Variants in POLR3GL observed in about 807,000 individuals in gnomAD.
POLR3GL encodes the protein DNA-directed RNA polymerase III subunit RPC7-like.
In POLR3GL, 26 loss-of-function variants were observed where a neutral mutation model predicts 32.4. The observed-to-expected ratio is 0.80, with a 90% CI of 0.59 to 1.11. The LOEUF is 1.11. Ranked by LOEUF, POLR3GL falls within the 50% of genes most tolerant of loss-of-function variation. The pLI is 0.00. For synonymous variants in POLR3GL, 95 were observed against 98.7 expected (o/e 0.96, Z 0.22); for missense variants, 229 against 280.1 (o/e 0.82, Z 1.30).
At chr1:145,975,190 C>T (rs1014062142) in intron 2 of POLR3GL, 117 bp from the exon 3 acceptor site, 34 of 1,395,520 alleles carry the variant, frequency 2.4e-5, no homozygotes, top group Admixed American at 1.6e-4. Flanking sequence ...GTTACTCCCT[C>T]GATTGTCATT....
intron 1 of POLR3GL, among the ~76,000 whole-genome samples, chr1:145,972,946 G>A (rs1431721095): frequency 2.0e-5 from 3 of 152,006 alleles, no homozygotes; most frequent in Admixed American, 1.3e-4. Context: ...TGATCTGCCC[G>A]CTCCAGCCTC....
At chr1:145,967,770 A>G (rs1158808444) in intron 1 of POLR3GL, among the ~76,000 whole-genome samples, 7 of 152,212 alleles carry the variant, frequency 4.6e-5, no homozygotes, top group African/African-American at 1.7e-4. Flanking sequence ...CCGTGGGTGC[A>G]GCATGTTTTT....
chr1:145,975,020 C>A lies in POLR3GL; in HGVS notation c.126+29C>A, dbSNP rs372977381. 7.6e-5 allele frequency: 114 copies of A among 1,505,178 alleles called. No homozygotes were observed. In the East Asian group the frequency reaches 2.7e-3, roughly 35 times the overall value. 93.2% of individuals were successfully genotyped at this position (1,505,178 alleles called of 1,614,324 possible). Reference sequence around the variant, plus strand: ...AGTCTCTCCACTCCCTTCCCAGACTCTCATGTGCCCCTGGCTGACTGTACA... The same window carrying A: ...AGTCTCTCCACTCCCTTCCCAGACTATCATGTGCCCCTGGCTGACTGTACA... On this transcript the variant is annotated intron_variant, in intron 2 of 7. Coordinates refer to ENST00000369314, the MANE Select transcript of POLR3GL (RefSeq NM_032305.3).
chr1:145,977,220 C>A, intron 4 of POLR3GL, 68 bp downstream of exon 4: 2 of 1,359,742 alleles, frequency 1.5e-6, no homozygotes, highest in Non-Finnish European at 1.1e-6. Context: ...GCTATTCCCA[C>A]CACGCCCATG....
intron 6 of POLR3GL, 51 bp from the exon 7 acceptor site, chr1:145,977,932 C>T (rs190158202): frequency 6.2e-7 from 1 of 1,613,770 alleles, no homozygotes; most frequent in Non-Finnish European, 8.5e-7. Context: ...CTCAATTTTT[C>T]CCTTCTGTGA....
intron 3 of POLR3GL, 93 bp downstream of exon 3, chr1:145,975,529 A>T: frequency 7.1e-7 from 1 of 1,416,520 alleles, no homozygotes; most frequent in Admixed American, 1.8e-5. Context: ...CACAGGAAGC[A>T]TACTATCTAA....
chr1:145,968,819 C>T (rs1650152483), intron 1 of POLR3GL, among the ~76,000 whole-genome samples: 2 of 152,220 alleles, frequency 1.3e-5, no homozygotes, highest in South Asian at 4.2e-4. Context: ...GATCCGCCCA[C>T]CTCAGCCTCC....
rs587689784 is a variant in POLR3GL, at chr1:145,976,223, G to A, written c.256+787G>A. 3.9e-3 allele frequency among the ~76,000 whole-genome samples: 594 copies of A among 152,064 alleles called. 2 individuals carry two copies. Among genetic ancestry groups the A allele is most frequent in the Admixed American group, 7.8e-3 (119 of 15,274 alleles). Reference sequence around the variant, plus strand: ...AATCGCTTGAACCTGGGAGGTGGAGGTTGCAGTGAGCTGAGATCTTGCCAC... The same window carrying A: ...AATCGCTTGAACCTGGGAGGTGGAGATTGCAGTGAGCTGAGATCTTGCCAC... On this transcript the variant is annotated intron_variant, in intron 3 of 7. Coordinates refer to ENST00000369314, the MANE Select transcript of POLR3GL (RefSeq NM_032305.3).
intron 1 of POLR3GL, among the ~76,000 whole-genome samples, chr1:145,973,321 T>G (rs1650408378): frequency 6.6e-6 from 1 of 152,020 alleles, no homozygotes; most frequent in Admixed American, 6.6e-5. Flanking sequence ...AGGAGAAACT[T>G]TAGATTCATC....
In POLR3GL at chr1:145,978,654, G is replaced by T. The variant is rs1317448712; in HGVS notation, c.*207G>T. On this transcript the variant is annotated 3_prime_UTR_variant, in exon 8 of 8. Coordinates refer to ENST00000369314, the MANE Select transcript of POLR3GL (RefSeq NM_032305.3). ...TCACCTTTGCTATCTTGGGGAAAGT[G>T]CAAAGGACAAACATCTCAATTGTAT... 1.7e-6 allele frequency: 1 copy of T among 571,502 alleles called. No homozygotes were observed. Among genetic ancestry groups the T allele is most frequent in the East Asian group, 2.9e-5 (1 of 34,544 alleles). 35.4% of individuals were successfully genotyped at this position (571,502 alleles called of 1,614,324 possible).
intron 1 of POLR3GL, among the ~76,000 whole-genome samples, chr1:145,970,696 A>AC (rs1249018372): frequency 1.3e-5 from 2 of 150,150 alleles, no homozygotes; most frequent in East Asian, 2.0e-4. Context: ...AGATGGTGAA[A>AC]CCCCGTCTCT....
At chr1:145,974,229 T>A (rs1278806895) in intron 1 of POLR3GL, among the ~76,000 whole-genome samples, 2 of 152,246 alleles carry the variant, frequency 1.3e-5, no homozygotes, top group Non-Finnish European at 2.9e-5. Flanking sequence ...CCACAGTGCC[T>A]GACACACTAT....
chr1:145,969,133 C>G (rs1288860298), intron 1 of POLR3GL, among the ~76,000 whole-genome samples: 1 of 152,162 alleles, frequency 6.6e-6, no homozygotes, highest in East Asian at 1.9e-4. Flanking sequence ...CGGTCTCACT[C>G]TGTTGCCCAG....
rs1650673329 is a variant in POLR3GL at position 145,978,586 on chromosome 1, A to G, written c.*139A>G. ...TCCCTGGAGATGGGAATAGAGGATG[A>G]TGACAGTTTATTTTCTACACTTCCC... is the stretch of plus-strand genomic sequence containing the variant. On this transcript the variant is annotated 3_prime_UTR_variant, in exon 8 of 8. Transcript: ENST00000369314. The G allele has an allele frequency of 1.5e-6, 1 of 672,388 alleles. No homozygotes were observed. Among genetic ancestry groups the G allele is most frequent in the Admixed American group, 2.5e-5 (1 of 40,336 alleles). 41.7% of individuals were successfully genotyped at this position (672,388 alleles called of 1,614,324 possible). A position where few individuals can be genotyped will look rare whatever the true frequency, so the allele number is the denominator to read the frequency against.
chr1:145,975,485 GC>G (rs1650510322), intron 3 of POLR3GL, 49 bp downstream of exon 3: 56 of 1,597,068 alleles, frequency 3.5e-5, no homozygotes, highest in Non-Finnish European at 4.5e-5. Flanking sequence ...CATGGGGAGT[GC>G]CCTGTGCTCA....
In POLR3GL at chr1:145,977,981, A is replaced by G. The variant is rs782795213; in HGVS notation, c.457-2A>G. ...TTCTATTCCTATTCATCCCCACATGAGACCCTGGAGAAGAAGGAAGAAGAA... is the reference window on the plus strand; with the variant it reads ...TTCTATTCCTATTCATCCCCACATGGGACCCTGGAGAAGAAGGAAGAAGAA... On this transcript the variant is annotated splice_acceptor_variant, in intron 6 of 7. Transcript: ENST00000369314. LOFTEE classifies it high-confidence loss of function. 2 of 1,613,948 alleles carry G rather than the reference A, an allele frequency of 1.2e-6. No homozygotes were observed. Among genetic ancestry groups the G allele is most frequent in the Non-Finnish European group, 1.7e-6 (2 of 1,179,868 alleles).
rs189189449 is a variant in POLR3GL, at chr1:145,978,439, A to G, written c.649A>G (p.Ile217Val). The change falls in exon 8 of 8, where the codon ATA becomes GTA. Residue 217 changes from isoleucine to valine, a missense_variant. Physicochemically the swap from Ile to Val is conservative, Grantham distance 29. Coordinates refer to ENST00000369314, the MANE Select transcript of POLR3GL (RefSeq NM_032305.3). ...GDSDDNMDEA[I>V]Y Reference sequence around the variant, plus strand: ...CAGTGATGACAATATGGACGAGGCTATATACTGAAGAAGGACTCTGGACCC... The same window carrying G: ...CAGTGATGACAATATGGACGAGGCTGTATACTGAAGAAGGACTCTGGACCC... 11 of 1,600,540 alleles carry G rather than the reference A, an allele frequency of 6.9e-6. No homozygotes were observed. In the Admixed American group the frequency reaches 1.8e-4, roughly 27 times the overall value.
At chr1:145,975,972 G>GA (rs5777568) in intron 3 of POLR3GL, among the ~76,000 whole-genome samples, 52,897 of 147,476 alleles carry the variant, frequency 0.36, 11,333 homozygotes, top group Non-Finnish European at 0.48. Context: ...CTAAGGGACA[G>GA]AAAAAAAAAA....
At position 145,978,714 on chromosome 1, in the gene POLR3GL, G is replaced by A; in HGVS notation, c.*267G>A. ...AAGGAGAATTGAAAGAAGAACTGGGGTTGTTAGAGCTGAGATGACTGTACA... is the reference window on the plus strand; with the variant it reads ...AAGGAGAATTGAAAGAAGAACTGGGATTGTTAGAGCTGAGATGACTGTACA... On this transcript the variant is annotated 3_prime_UTR_variant, in exon 8 of 8. Coordinates refer to ENST00000369314, the MANE Select transcript of POLR3GL (RefSeq NM_032305.3). The A allele has an allele frequency of 2.2e-6, 1 of 459,028 alleles. No individual in the cohort carries two copies. The highest frequency in any genetic ancestry group is 3.9e-6 in the Non-Finnish European group (1 of 257,356). 28.4% of individuals were successfully genotyped at this position (459,028 alleles called of 1,614,324 possible).
Sources: allele counts gnomAD v4.1 joint callset (sites outside exome capture counted in the v4.1 genomes callset), GRCh38; gene constraint gnomAD v4.1.1; transcripts MANE v1.5; gene names NCBI Gene and HGNC (gene_info 2026-07-23, HGNC 2026-07-21).